FBXW7: variants seen among roughly 807,000 people sequenced by gnomAD.
The protein encoded by FBXW7 is F-box/WD repeat-containing protein 7.
Under a neutral mutation model 86.3 loss-of-function variants are expected in FBXW7, and 11 were observed. That is an observed-to-expected ratio of 0.13 (90% CI 0.08 to 0.21). FBXW7 has a LOEUF of 0.21. FBXW7 is among the 10% of genes least tolerant of loss of function. The probability of loss-of-function intolerance (pLI) is 1.00; values close to 1 mark genes in which losing one functional copy is unlikely to be tolerated. For missense variants in FBXW7, 488 were observed against 847.4 expected, an observed-to-expected ratio of 0.58 and a Z score of 5.27; for synonymous variants, 313 against 297.9, an observed-to-expected ratio of 1.05 and a Z score of -0.52.
rs1263831897 is a variant in FBXW7, at chr4:152,413,238, T to C, written c.-119-709A>G. Among the ~76,000 whole-genome samples, 10 of 152,210 alleles carry C rather than the reference T, an allele frequency of 6.6e-5. No individual in the cohort carries two copies. In the East Asian group the frequency reaches 1.9e-3, roughly 29 times the overall value. On this transcript the variant is annotated intron_variant, in intron 2 of 13. Transcript: ENST00000281708. ...GAAGGTCTTTTATTTCTTCCTACCA[T>C]AATACAAAATGTCAAGATATATCAA...
chr4:152,459,556 T>C (rs1278863500), intron 2 of FBXW7, among the ~76,000 whole-genome samples: 1 of 152,162 alleles, frequency 6.6e-6, no homozygotes, highest in Non-Finnish European at 1.5e-5. Context: ...ACTGCCCTTA[T>C]ATTCATACAG....
chr4:152,441,367 C>T (rs560771831), intron 2 of FBXW7, among the ~76,000 whole-genome samples: 6 of 152,240 alleles, frequency 3.9e-5, no homozygotes, highest in South Asian at 2.1e-4. Context: ...ATTAGTCACA[C>T]GCCTCCTGCT....
intron 2 of FBXW7, among the ~76,000 whole-genome samples, chr4:152,440,111 T>G (rs1740753219): frequency 1.3e-5 from 2 of 152,152 alleles, no homozygotes; most frequent in Admixed American, 6.5e-5. Flanking sequence ...CAATAACAAA[T>G]ACAGACTGTA....
At chr4:152,383,852 T>C (rs1368694181) in intron 4 of FBXW7, among the ~76,000 whole-genome samples, 1 of 152,030 alleles carries the variant, frequency 6.6e-6, no homozygotes, top group Non-Finnish European at 1.5e-5. Flanking sequence ...AAATGCAAAA[T>C]CACTGGCAGC....
Position 152,535,215 on chromosome 4 carries a change from T to A in FBXW7, c.-301A>T, listed in dbSNP as rs937979874. On this transcript the variant is annotated 5_prime_UTR_variant, in exon 1 of 14. Transcript: ENST00000281708. ...CCCGGGACAGTCAGGTTTGGGAGAC[T>A]CCGGATTTTGTTTTTGTAAAGTTTC... The A allele has an allele frequency of 5.8e-6, 1 of 172,940 alleles. No individual in the cohort carries two copies. Among genetic ancestry groups the A allele is most frequent in the Admixed American group, 6.3e-5 (1 of 15,780 alleles). 10.7% of individuals were successfully genotyped at this position (172,940 alleles called of 1,614,324 possible).
chr4:152,355,536 C>T (rs1225844357), intron 4 of FBXW7, among the ~76,000 whole-genome samples: 1 of 152,096 alleles, frequency 6.6e-6, no homozygotes, highest in Non-Finnish European at 1.5e-5. Flanking sequence ...TACTATTTCA[C>T]TATATTAAAT....
intron 2 of FBXW7, among the ~76,000 whole-genome samples, chr4:152,521,317 G>T (rs1198780810): frequency 6.6e-6 from 1 of 152,116 alleles, no homozygotes. Context: ...TTTAAGTAGG[G>T]TCTGAAGAGA....
chr4:152,535,337 G>C lies in FBXW7; in HGVS notation c.-423C>G. The stretch of plus-strand genomic sequence containing the variant: ...AGGGGGGCTCTAGGAACTCCTCCCG[G>C]AGTCCAGCCAAGGAGCCGGGGGGCC... On this transcript the variant is annotated 5_prime_UTR_variant, in exon 1 of 14. Transcript: ENST00000281708. 2.8e-6 allele frequency: 1 copy of C among 354,154 alleles called. No individual in the cohort carries two copies. The highest frequency in any genetic ancestry group is 5.0e-6 in the Non-Finnish European group (1 of 198,062). The allele number at this position is 354,154 out of a possible 1,614,324, so 21.9% of individuals were successfully genotyped here.
rs1163294637 is a variant in FBXW7 at position 152,360,645 on chromosome 4, AG to A, written c.502-10522del. ...CAGACTTCACTATAGAGCATTTTGA[AG>A]TCTCAGAAACCGTTCATCAGGTACA... On this transcript the variant is annotated intron_variant, in intron 4 of 13. Transcript: ENST00000281708. 5.9e-5 allele frequency among the ~76,000 whole-genome samples: 9 copies of A among 152,040 alleles called. 1 individual carries two copies. The highest frequency in any genetic ancestry group is 1.0e-4 in the Non-Finnish European group (7 of 68,010).
intron 4 of FBXW7, chr4:152,352,752 G>A (rs2126665081): frequency 6.2e-7 from 1 of 1,610,758 alleles, no homozygotes; most frequent in Non-Finnish European, 8.5e-7. Context: ...GCTTGACTGA[G>A]AAGAACTCGA....
chr4:152,376,629 CT>C (rs1467427784), intron 4 of FBXW7, among the ~76,000 whole-genome samples: 1 of 151,846 alleles, frequency 6.6e-6, no homozygotes, highest in African/African-American at 2.4e-5. Flanking sequence ...TCATGAATAA[CT>C]GAACAATGAA....
chr4:152,366,730 T>G lies in FBXW7; in HGVS notation c.502-16606A>C, dbSNP rs1191979874. ...CCATTGTGGAAGACAGTGTGGCGAT[T>G]CTTCAAGGATCTAGATACTATTTGA... On this transcript the variant is annotated intron_variant, in intron 4 of 13. Transcript: ENST00000281708. Among the ~76,000 whole-genome samples the G allele has an allele frequency of 1.8e-4, 28 of 152,132 alleles. 1 individual carries two copies. Among genetic ancestry groups the G allele is most frequent in the Admixed American group, 1.8e-3 (28 of 15,250 alleles).
intron 4 of FBXW7, among the ~76,000 whole-genome samples, chr4:152,406,291 C>T (rs1210419738): frequency 6.6e-6 from 1 of 151,922 alleles, no homozygotes; most frequent in East Asian, 1.9e-4. Context: ...TACAATGAAA[C>T]CTCATAATTA....
intron 4 of FBXW7, among the ~76,000 whole-genome samples, chr4:152,350,718 C>CCT (rs1402827006): frequency 4.6e-5 from 7 of 151,626 alleles, no homozygotes; most frequent in Non-Finnish European, 1.0e-4. Context: ...TAAGAGAAAT[C>CCT]TGGAGATAGT....
chr4:152,466,541 C>A (rs928876395), intron 2 of FBXW7, among the ~76,000 whole-genome samples: 1 of 147,058 alleles, frequency 6.8e-6, no homozygotes, highest in African/African-American at 2.5e-5. Context: ...GGCAACAGAG[C>A]GAGACTCCAT....
chr4:152,379,228 AT>A (rs201098386), intron 4 of FBXW7, among the ~76,000 whole-genome samples: 1,965 of 152,256 alleles, frequency 0.013, 34 homozygotes, highest in African/African-American at 0.043. Context: ...CAAATAAAAA[AT>A]AGTTATTTTT....
chr4:152,347,380 T>G (rs1352650180), intron 5 of FBXW7, among the ~76,000 whole-genome samples: 1 of 152,134 alleles, frequency 6.6e-6, no homozygotes, highest in African/African-American at 2.4e-5. Flanking sequence ...AGTTAAAATA[T>G]TTCCTTAGAA....
chr4:152,457,300 G>C (rs928777054), intron 2 of FBXW7, among the ~76,000 whole-genome samples: 1 of 152,150 alleles, frequency 6.6e-6, no homozygotes, highest in Non-Finnish European at 1.5e-5. Flanking sequence ...TGTGGTGATG[G>C]TTTCATGAGT....
Position 152,326,050 on chromosome 4 carries a change from G to A in FBXW7, c.1600C>T (p.Leu534=), listed in dbSNP as rs1578874998. 6.2e-7 allele frequency: 1 copy of A among 1,613,262 alleles called. No individual in the cohort carries two copies. Among genetic ancestry groups the A allele is most frequent in the Non-Finnish European group, 8.5e-7 (1 of 1,179,494 alleles). ...TTAGTATGCCCCTGCAACGTGTGTA[G>A]ACAGGTTTCAGTCTCTGGATCCCAC... ...KVWDPETETC[L]HTLQGHTNRV... is the part of the protein sequence containing the mutation. Residue 534 remains leucine (L), a synonymous_variant, in exon 12 of 14, where the codon CTA becomes TTA. Coordinates refer to ENST00000281708, the MANE Select transcript of FBXW7 (RefSeq NM_001349798.2).
Sources: gnomAD v4.1 joint callset for allele counts (sites outside exome capture counted in the v4.1 genomes callset) on GRCh38, gnomAD v4.1.1 for gene constraint, MANE v1.5 for transcripts, NCBI Gene and HGNC (gene_info 2026-07-23, HGNC 2026-07-21) for gene names.